The following AGPAT4 variants were observed in gnomAD, a reference collection of about 807,000 sequenced individuals.
AGPAT4 encodes the protein 1-acyl-sn-glycerol-3-phosphate acyltransferase delta.
A neutral mutation model predicts 48.0 loss-of-function variants in AGPAT4; 15 were observed. The ratio of observed to expected loss-of-function variants is 0.31; its 90% CI spans 0.21 to 0.48. AGPAT4 has a LOEUF of 0.48. Among genes scored for constraint, AGPAT4 ranks in the 20% least tolerant of loss-of-function variants. AGPAT4 has a pLI of 0.99. For synonymous variants in AGPAT4, 178 were observed against 198.7 expected (o/e 0.90, Z 0.88); for missense variants, 314 against 482.5 (o/e 0.65, Z 3.27).
chr6:161,227,006 A>T (rs1781999384), intron 2 of AGPAT4, among the ~76,000 whole-genome samples: 1 of 152,200 alleles, frequency 6.6e-6, no homozygotes, highest in Admixed American at 6.5e-5. Context: ...ACAATGTGCA[A>T]AAAGTACTTT....
rs1321506219 is a variant in AGPAT4, at chr6:161,158,195, G to C, written c.349-3885C>G. Among the ~76,000 whole-genome samples the C allele has an allele frequency of 6.6e-6, 1 of 152,150 alleles. No homozygotes were observed. Among genetic ancestry groups the C allele is most frequent in the African/African-American group, 2.4e-5 (1 of 41,436 alleles). Reference sequence around the variant, plus strand: ...CAGTTGCCCAAGTTAACTCACTTATGACAAAGAGACTAGAAACTGCTATTA... The same window carrying C: ...CAGTTGCCCAAGTTAACTCACTTATCACAAAGAGACTAGAAACTGCTATTA... On this transcript the variant is annotated intron_variant, in intron 3 of 8. Transcript: ENST00000320285. This position sits in a 1 kb window ranked among gnomAD's most constrained non-coding sequence, Gnocchi z 5.3.
At chr6:161,173,798 A>C (rs1244515975) in intron 2 of AGPAT4, among the ~76,000 whole-genome samples, 1 of 152,224 alleles carries the variant, frequency 6.6e-6, no homozygotes, top group East Asian at 1.9e-4. Flanking sequence ...TTAAGTCTTT[A>C]ATCCACCTTG....
rs780874674 is a variant in AGPAT4 at position 161,206,037 on chromosome 6, T to C, written c.178+25999A>G. 6.6e-6 allele frequency among the ~76,000 whole-genome samples: 1 copy of C among 152,018 alleles called. No individual in the cohort carries two copies. Among genetic ancestry groups the C allele is most frequent in the Non-Finnish European group, 1.5e-5 (1 of 68,000 alleles). Reference sequence around the variant, plus strand: ...AGGAACGACATGGTGGTGAACTCTTTGTACTCGTATGTTTTTTCAAGCCCG... The same window carrying C: ...AGGAACGACATGGTGGTGAACTCTTCGTACTCGTATGTTTTTTCAAGCCCG... On this transcript the variant is annotated intron_variant, in intron 2 of 8. Coordinates refer to ENST00000320285, the MANE Select transcript of AGPAT4 (RefSeq NM_020133.3). The surrounding 1 kb of genome is among the most constrained non-coding windows in gnomAD (Gnocchi z 4.8).
chr6:161,155,136 C>A lies in AGPAT4; in HGVS notation c.349-826G>T, dbSNP rs1363662647. 2.0e-5 allele frequency among the ~76,000 whole-genome samples: 3 copies of A among 152,304 alleles called. No homozygotes were observed. In the South Asian group the frequency reaches 6.2e-4, roughly 32 times the overall value. On this transcript the variant is annotated intron_variant, in intron 3 of 8. Coordinates refer to ENST00000320285, the MANE Select transcript of AGPAT4 (RefSeq NM_020133.3). The surrounding 1 kb of genome is among the most constrained non-coding windows in gnomAD (Gnocchi z 5.8). ...GCCCCACAGGTCCCCTCTGGGGAGT[C>A]TCAGGGCAGTCCTGGGTCCCCAGGG...
rs909092063 is a variant in AGPAT4 at position 161,169,137 on chromosome 6, G to T, written c.179-2720C>A. Reference sequence around the variant, plus strand: ...GCAGATGGAGAGAAACCCAGAGAGAGAACATCACAGAGACTTCTGGGTTAC... The same window carrying T: ...GCAGATGGAGAGAAACCCAGAGAGATAACATCACAGAGACTTCTGGGTTAC... On this transcript the variant is annotated intron_variant, in intron 2 of 8. Coordinates refer to ENST00000320285, the MANE Select transcript of AGPAT4 (RefSeq NM_020133.3). The surrounding 1 kb of genome is among the most constrained non-coding windows in gnomAD (Gnocchi z 5.0). Among the ~76,000 whole-genome samples the T allele has an allele frequency of 6.6e-6, 1 of 152,112 alleles. No individual in the cohort carries two copies. The highest frequency in any genetic ancestry group is 2.4e-5 in the African/African-American group (1 of 41,418).
rs1783311433 is a variant in AGPAT4, at chr6:161,267,875, A to T, written c.-90+6063T>A. On this transcript the variant is annotated intron_variant, in intron 1 of 8. Coordinates refer to ENST00000320285, the MANE Select transcript of AGPAT4 (RefSeq NM_020133.3). This position sits in a 1 kb window ranked among gnomAD's most constrained non-coding sequence, Gnocchi z 5.2. ...GTGAGACTGGCCTCTTAAAAGAAAG[A>T]CCAGTCTCACTTTTAACATTTTAAA... is the stretch of plus-strand genomic sequence containing the variant. 6.6e-6 allele frequency among the ~76,000 whole-genome samples: 1 copy of T among 152,140 alleles called. No individual in the cohort carries two copies. Among genetic ancestry groups the T allele is most frequent in the African/African-American group, 2.4e-5 (1 of 41,432 alleles).
rs191985724 is a variant in AGPAT4, at chr6:161,203,450, G to A, written c.178+28586C>T. Among the ~76,000 whole-genome samples the A allele has an allele frequency of 3.5e-3, 515 of 146,906 alleles. 2 individuals carry two copies. The highest frequency in any genetic ancestry group is 5.1e-3 in the Non-Finnish European group (343 of 67,342). ...GTTTTTCAGGTTGGAGTGCAATGGC[G>A]TGATCTCAGGTCACTGCAACCTCCA... On this transcript the variant is annotated intron_variant, in intron 2 of 8. Transcript: ENST00000320285.
rs1781432488 is a variant in AGPAT4 at position 161,208,317 on chromosome 6, T to G, written c.178+23719A>C. On this transcript the variant is annotated intron_variant, in intron 2 of 8. Coordinates refer to ENST00000320285, the MANE Select transcript of AGPAT4 (RefSeq NM_020133.3). The surrounding 1 kb of genome is among the most constrained non-coding windows in gnomAD (Gnocchi z 4.6). ...GCCCTCTGTGGAACTTCCCTAACAA[T>G]GTGCTCTTGTACATTTATCATCTTT... Among the ~76,000 whole-genome samples the G allele has an allele frequency of 6.6e-6, 1 of 152,204 alleles. No individual in the cohort carries two copies. The highest frequency in any genetic ancestry group is 1.5e-5 in the Non-Finnish European group (1 of 68,042).
Position 161,256,357 on chromosome 6 carries a change from T to A in AGPAT4, c.-90+17581A>T, listed in dbSNP as rs900243881. 5.9e-5 allele frequency among the ~76,000 whole-genome samples: 9 copies of A among 152,310 alleles called. No homozygotes were observed. In the East Asian group the frequency reaches 1.5e-3, roughly 26 times the overall value. ...CACCATCTAGAAGAATTAGGCTTTGTGCCTAAGATTGGGGAAAAGTCTTCG... is the reference window on the plus strand; with the variant it reads ...CACCATCTAGAAGAATTAGGCTTTGAGCCTAAGATTGGGGAAAAGTCTTCG... On this transcript the variant is annotated intron_variant, in intron 1 of 8. Coordinates refer to ENST00000320285, the MANE Select transcript of AGPAT4 (RefSeq NM_020133.3).
At position 161,204,944 on chromosome 6, in the gene AGPAT4, G is replaced by A. The variant is rs1480195877; in HGVS notation, c.178+27092C>T. ...GATCAGCAGTTTTTTACAATAAACC[G>A]GGTATGAACAACGACATGACGCTGT... On this transcript the variant is annotated intron_variant, in intron 2 of 8. Transcript: ENST00000320285. This position sits in a 1 kb window ranked among gnomAD's most constrained non-coding sequence, Gnocchi z 4.4. Among the ~76,000 whole-genome samples the A allele has an allele frequency of 1.3e-5, 2 of 152,100 alleles. No homozygotes were observed. Among genetic ancestry groups the A allele is most frequent in the African/African-American group, 2.4e-5 (1 of 41,412 alleles).
rs1194206719 is a variant in AGPAT4, at chr6:161,200,675, C to T, written c.178+31361G>A. ...ATGTTGACTAGGGACACCATAGGTC[C>T]CTCCTCTGCTCTTTGTAAAGAATCG... On this transcript the variant is annotated intron_variant, in intron 2 of 8. Coordinates refer to ENST00000320285, the MANE Select transcript of AGPAT4 (RefSeq NM_020133.3). This position sits in a 1 kb window ranked among gnomAD's most constrained non-coding sequence, Gnocchi z 5.5. Among the ~76,000 whole-genome samples, 1 of 152,160 alleles carries T rather than the reference C, an allele frequency of 6.6e-6. No homozygotes were observed. Among genetic ancestry groups the T allele is most frequent in the Non-Finnish European group, 1.5e-5 (1 of 68,028 alleles).
chr6:161,259,631 A>G lies in AGPAT4; in HGVS notation c.-90+14307T>C, dbSNP rs1244949239. On this transcript the variant is annotated intron_variant, in intron 1 of 8. Transcript: ENST00000320285. This position sits in a 1 kb window ranked among gnomAD's most constrained non-coding sequence, Gnocchi z 4.9. ...GGGGTTCCTTCTTCAAAAACTATCAAGAATTTCAACAAGGGAGAGCAGAGC... is the reference window on the plus strand; with the variant it reads ...GGGGTTCCTTCTTCAAAAACTATCAGGAATTTCAACAAGGGAGAGCAGAGC... Among the ~76,000 whole-genome samples the G allele has an allele frequency of 6.6e-6, 1 of 152,128 alleles. No homozygotes were observed. The highest frequency in any genetic ancestry group is 2.4e-5 in the African/African-American group (1 of 41,446).
At position 161,202,051 on chromosome 6, in the gene AGPAT4, G is replaced by A. The variant is rs1436617659; in HGVS notation, c.178+29985C>T. On this transcript the variant is annotated intron_variant, in intron 2 of 8. Coordinates refer to ENST00000320285, the MANE Select transcript of AGPAT4 (RefSeq NM_020133.3). This position sits in a 1 kb window ranked among gnomAD's most constrained non-coding sequence, Gnocchi z 5.4. ...CTGACCCGGGAACCTGGACAAGGTG[G>A]CTCTCATATATACACCCAATACACA... is the stretch of plus-strand genomic sequence containing the variant. Among the ~76,000 whole-genome samples, 8 of 152,192 alleles carry A rather than the reference G, an allele frequency of 5.3e-5. No homozygotes were observed. Among genetic ancestry groups the A allele is most frequent in the Admixed American group, 5.2e-4 (8 of 15,286 alleles).
rs1034097855 is a variant in AGPAT4 at position 161,134,932 on chromosome 6, C to T, written c.*1608G>A. ...CTCAGGCCCTAGGCTCTGCAGTACG[C>T]TCTTCCCACAAGTCAGCCAGGATTT... is the stretch of plus-strand genomic sequence containing the variant. On this transcript the variant is annotated 3_prime_UTR_variant, in exon 9 of 9. Coordinates refer to ENST00000320285, the MANE Select transcript of AGPAT4 (RefSeq NM_020133.3). 3 of 152,272 alleles carry T rather than the reference C, an allele frequency of 2.0e-5. No homozygotes were observed. Among genetic ancestry groups the T allele is most frequent in the Non-Finnish European group, 4.4e-5 (3 of 68,058 alleles). 9.4% of individuals were successfully genotyped at this position (152,272 alleles called of 1,614,324 possible).
In AGPAT4 at chr6:161,189,857, C is replaced by T. The variant is rs1013794135; in HGVS notation, c.179-23440G>A. Among the ~76,000 whole-genome samples, 3 of 152,202 alleles carry T rather than the reference C, an allele frequency of 2.0e-5. No individual in the cohort carries two copies. The highest frequency in any genetic ancestry group is 4.4e-5 in the Non-Finnish European group (3 of 68,038). Reference sequence around the variant, plus strand: ...GTTTTGTGCAGGCCCAGGCTCTGTTCTGTCTTATCAGTTCTGAAATGCTCC... The same window carrying T: ...GTTTTGTGCAGGCCCAGGCTCTGTTTTGTCTTATCAGTTCTGAAATGCTCC... On this transcript the variant is annotated intron_variant, in intron 2 of 8. Transcript: ENST00000320285. This position sits in a 1 kb window ranked among gnomAD's most constrained non-coding sequence, Gnocchi z 5.3.
rs75401401 is a variant in AGPAT4, at chr6:161,162,812, G to A, written c.348+3436C>T. Among the ~76,000 whole-genome samples the A allele has an allele frequency of 2.2e-3, 340 of 152,338 alleles. 1 individual carries two copies. Among genetic ancestry groups the A allele is most frequent in the African/African-American group, 7.6e-3 (318 of 41,580 alleles). ...GCCTGGCGCTACCCAGACACTGAACGATCATGCTCTTATGCAACCAGCCGG... is the reference window on the plus strand; with the variant it reads ...GCCTGGCGCTACCCAGACACTGAACAATCATGCTCTTATGCAACCAGCCGG... On this transcript the variant is annotated intron_variant, in intron 3 of 8. Coordinates refer to ENST00000320285, the MANE Select transcript of AGPAT4 (RefSeq NM_020133.3).
rs202159342 is a variant in AGPAT4, at chr6:161,141,214, C to G, written c.844-1594G>C. On this transcript the variant is annotated intron_variant, in intron 7 of 8. Transcript: ENST00000320285. This position sits in a 1 kb window ranked among gnomAD's most constrained non-coding sequence, Gnocchi z 6.7. ...GTGCCTCTGCTCTGTCCTCGGCCCC[C>G]TGCAGCCCATTAACAAGCCTGGTCC... 6.6e-6 allele frequency among the ~76,000 whole-genome samples: 1 copy of G among 152,094 alleles called. No individual in the cohort carries two copies. Among genetic ancestry groups the G allele is most frequent in the Non-Finnish European group, 1.5e-5 (1 of 68,024 alleles).
Position 161,136,504 on chromosome 6 carries a change from C to A in AGPAT4, c.*36G>T, listed in dbSNP as rs1267665630. ...GAGGATATGCAGAGGCCACCAGTTC[C>A]CCAAGGTTCCCTTCGGATGGTGACA... On this transcript the variant is annotated 3_prime_UTR_variant, in exon 9 of 9. Transcript: ENST00000320285. 1.1e-5 allele frequency: 18 copies of A among 1,595,400 alleles called. No individual in the cohort carries two copies. The highest frequency in any genetic ancestry group is 6.6e-5 in the South Asian group (6 of 90,676).
In AGPAT4 at chr6:161,220,444, C is replaced by T. The variant is rs1189584429; in HGVS notation, c.178+11592G>A. 1.3e-5 allele frequency among the ~76,000 whole-genome samples: 2 copies of T among 152,130 alleles called. No individual in the cohort carries two copies. The highest frequency in any genetic ancestry group is 2.4e-5 in the African/African-American group (1 of 41,430). On this transcript the variant is annotated intron_variant, in intron 2 of 8. Coordinates refer to ENST00000320285, the MANE Select transcript of AGPAT4 (RefSeq NM_020133.3). This position sits in a 1 kb window ranked among gnomAD's most constrained non-coding sequence, Gnocchi z 6.0. ...TGGAGAGGCAGATAGACAGCTTCCTCGATACTTCAGATTAAAAACCCTAGA... is the reference window on the plus strand; with the variant it reads ...TGGAGAGGCAGATAGACAGCTTCCTTGATACTTCAGATTAAAAACCCTAGA...
Sources: gnomAD v4.1 joint callset for allele counts (sites outside exome capture counted in the v4.1 genomes callset) on GRCh38, gnomAD v4.1.1 for gene constraint, Gnocchi (gnomAD v3.1) non-coding constraint, MANE v1.5 for transcripts, NCBI Gene and HGNC (gene_info 2026-07-23, HGNC 2026-07-21) for gene names.